The following ERN1 variants were observed in gnomAD, a reference collection of about 807,000 sequenced individuals.
ERN1 encodes the protein serine/threonine-protein kinase/endoribonuclease IRE1.
ERN1 carries 39 observed loss-of-function variants against 113.1 expected under a neutral mutation model. The ratio of observed to expected loss-of-function variants is 0.34; its 90% confidence interval spans 0.27 to 0.45. The LOEUF (loss-of-function observed/expected upper bound fraction) is 0.45. Ranked by LOEUF, ERN1 falls within the 20% of genes least tolerant of loss-of-function variation. The pLI, the probability that ERN1 is intolerant of heterozygous loss-of-function variation, is 1.00. For synonymous variants in ERN1, 507 were observed against 515.9 expected (o/e 0.98, Z 0.23); for missense variants, 976 against 1,274.8 (o/e 0.77, Z 3.57).
intron 11 of ERN1, 72 bp downstream of exon 11, chr17:64,060,397 A>T: frequency 1.1e-6 from 1 of 926,260 alleles, no homozygotes; most frequent in Non-Finnish European, 1.8e-6. Flanking sequence ...CAGAAGGCAG[A>T]GTCAAAGTCT....
chr17:64,102,662 A>T (rs895026455), intron 1 of ERN1: 1 of 985,258 alleles, frequency 1.0e-6, no homozygotes, highest in African/African-American at 1.7e-5. Context: ...ACAGCTGAGA[A>T]CTATTTGTAC....
chr17:64,072,167 A>T (rs1913442063), intron 5 of ERN1, 64 bp from the exon 6 acceptor site: 10 of 1,569,140 alleles, frequency 6.4e-6, no homozygotes, highest in Middle Eastern at 3.3e-4. Flanking sequence ...CTGCCAAACT[A>T]GCAGCCAAGA....
intron 1 of ERN1, among the ~76,000 whole-genome samples, chr17:64,125,322 C>A (rs984704233): frequency 6.6e-6 from 1 of 152,044 alleles, no homozygotes; most frequent in Non-Finnish European, 1.5e-5. Context: ...ACAGAAAGCA[C>A]CAAACATAAA....
At chr17:64,069,759 C>T (rs1913350659) in intron 6 of ERN1, among the ~76,000 whole-genome samples, 1 of 152,162 alleles carries the variant, frequency 6.6e-6, no homozygotes, top group African/African-American at 2.4e-5. Flanking sequence ...CTCTTTAATT[C>T]ACAGGTCTCC....
At chr17:64,074,867 C>T (rs185076610) in intron 5 of ERN1, among the ~76,000 whole-genome samples, 36 of 152,328 alleles carry the variant, frequency 2.4e-4, no homozygotes, top group Non-Finnish European at 1.0e-4. Flanking sequence ...GATGATTGTA[C>T]TCACTTTAAA....
intron 1 of ERN1, among the ~76,000 whole-genome samples, chr17:64,123,514 G>A (rs903233388): frequency 1.3e-5 from 2 of 152,112 alleles, no homozygotes; most frequent in Non-Finnish European, 2.9e-5. Context: ...CTAAAAGAAA[G>A]TGGCCACTGA....
At chr17:64,069,320 T>C (rs1329894248) in intron 6 of ERN1, among the ~76,000 whole-genome samples, 1 of 152,104 alleles carries the variant, frequency 6.6e-6, no homozygotes, top group African/African-American at 2.4e-5. Flanking sequence ...GAAGCCCACA[T>C]AGTTTTTAAA....
chr17:64,091,845 C>T (rs939837557), intron 2 of ERN1, among the ~76,000 whole-genome samples: 1 of 152,176 alleles, frequency 6.6e-6, no homozygotes, highest in African/African-American at 2.4e-5. Flanking sequence ...TGGAGCAGCA[C>T]TTCTCAAACT....
rs117163733 is a variant in ERN1 at position 64,059,136 on chromosome 17, T to C, written c.1207-1143A>G. Among the ~76,000 whole-genome samples, 41 of 152,366 alleles carry C rather than the reference T, an allele frequency of 2.7e-4. 1 individual carries two copies. The East Asian group carries it at 7.9e-3, about 29-fold the overall frequency. On this transcript the variant is annotated intron_variant, in intron 11 of 21. Coordinates refer to ENST00000433197, the MANE Select transcript of ERN1 (RefSeq NM_001433.5). ...TATTTTCTAAGTGTTCAATAATGAA[T>C]ATGCAGGACTTTAATAAGATTATAG...
chr17:64,069,471 T>C (rs1401326425), intron 6 of ERN1, among the ~76,000 whole-genome samples: 4 of 152,078 alleles, frequency 2.6e-5, no homozygotes, highest in African/African-American at 7.2e-5. Flanking sequence ...AAGAAAGGAC[T>C]TCTCAGAGGG....
intron 1 of ERN1, among the ~76,000 whole-genome samples, chr17:64,124,040 T>C (rs1297225553): frequency 1.3e-5 from 2 of 152,208 alleles, no homozygotes; most frequent in Admixed American, 1.3e-4. Flanking sequence ...ATCAAAGCTA[T>C]AATGAGTTAC....
At chr17:64,076,158 C>A (rs115930749) in intron 4 of ERN1, among the ~76,000 whole-genome samples, 4 of 152,172 alleles carry the variant, frequency 2.6e-5, no homozygotes, top group African/African-American at 9.7e-5. Flanking sequence ...TGACATCTGA[C>A]GAGCTCTTTT....
intron 2 of ERN1, among the ~76,000 whole-genome samples, chr17:64,090,541 C>G (rs1914059966): frequency 6.6e-6 from 1 of 152,168 alleles, no homozygotes; most frequent in South Asian, 2.1e-4. Context: ...TGCCATCAAA[C>G]CAGACACTCA....
At chr17:64,050,393 C>T (rs1912645225) in intron 17 of ERN1, among the ~76,000 whole-genome samples, 1 of 152,166 alleles carries the variant, frequency 6.6e-6, no homozygotes, top group Non-Finnish European at 1.5e-5. Flanking sequence ...ATGTTCTTTC[C>T]CAAACTTATT....
chr17:64,054,915 T>A lies in ERN1; in HGVS notation c.1673-87A>T. 9.6e-7 allele frequency: 1 copy of A among 1,040,318 alleles called. No individual in the cohort carries two copies. Among genetic ancestry groups the A allele is most frequent in the Non-Finnish European group, 1.4e-6 (1 of 707,910 alleles). The allele number at this position is 1,040,318 out of a possible 1,614,324, so 64.4% of individuals were successfully genotyped here. On this transcript the variant is annotated intron_variant, in intron 13 of 21. Coordinates refer to ENST00000433197, the MANE Select transcript of ERN1 (RefSeq NM_001433.5). The surrounding 1 kb of genome is among the most constrained non-coding windows in gnomAD (Gnocchi z 4.9). ...TAACATAGTGACAAGCTTCCTGACC[T>A]CAGATTAAAAGATGGGATTTAAGAG...
At chr17:64,084,087 G>C (rs75738140) in intron 2 of ERN1, among the ~76,000 whole-genome samples, 7 of 151,680 alleles carry the variant, frequency 4.6e-5, no homozygotes, top group African/African-American at 1.7e-4. Flanking sequence ...CCCCTCTCCC[G>C]GGTCCTTTCT....
At chr17:64,070,694 C>A (rs191918758) in intron 6 of ERN1, among the ~76,000 whole-genome samples, 1 of 152,144 alleles carries the variant, frequency 6.6e-6, no homozygotes, top group Non-Finnish European at 1.5e-5. Flanking sequence ...TCCTTGGCTG[C>A]CTGAAAGTTT....
At chr17:64,098,035 G>A in intron 2 of ERN1, 86 bp downstream of exon 2, 1 of 1,488,222 alleles carries the variant, frequency 6.7e-7, no homozygotes, top group Non-Finnish European at 9.3e-7. Flanking sequence ...TAGATAATGA[G>A]TAATGTTTTC....
chr17:64,080,712 A>C, intron 3 of ERN1, 63 bp downstream of exon 3: 1 of 1,511,034 alleles, frequency 6.6e-7, no homozygotes, highest in Non-Finnish European at 9.1e-7. Flanking sequence ...CTGGCCTCAT[A>C]AACACTGATT....
Sources: allele counts gnomAD v4.1 joint callset (sites outside exome capture counted in the v4.1 genomes callset), GRCh38; gene constraint gnomAD v4.1.1; non-coding constraint Gnocchi (gnomAD v3.1); transcripts MANE v1.5; gene names NCBI Gene and HGNC (gene_info 2026-07-23, HGNC 2026-07-21).